Variants in PDHX observed in about 807,000 individuals in gnomAD.
PDHX encodes pyruvate dehydrogenase complex component X.
Under a neutral mutation model 55.3 loss-of-function variants are expected in PDHX, and 33 were observed. The ratio of observed to expected loss-of-function variants is 0.60; its 90% CI spans 0.45 to 0.80. The LOEUF is 0.80. PDHX is among the 30% of genes least tolerant of loss of function. PDHX has a pLI of 0.00. For missense variants in PDHX, 622 were observed against 619.9 expected (o/e 1.00, Z -0.04); for synonymous variants, 226 against 219.4 (o/e 1.03, Z -0.27).
chr11:34,937,896 A>G (rs1854372733), intron 2 of PDHX, among the ~76,000 whole-genome samples: 2 of 152,204 alleles, frequency 1.3e-5, no homozygotes, highest in South Asian at 2.1e-4. Flanking sequence ...AGTCTCACCA[A>G]AAGTCACAAT....
chr11:34,960,234 A>G (rs915758730), intron 4 of PDHX, among the ~76,000 whole-genome samples, 186 bp from the exon 5 acceptor site: 1 of 152,214 alleles, frequency 6.6e-6, no homozygotes, highest in African/African-American at 2.4e-5. Context: ...AATTTTTACG[A>G]AAGTGTTTAA....
At chr11:34,920,740 T>A (rs758748852) in intron 1 of PDHX, among the ~76,000 whole-genome samples, 2 of 152,196 alleles carry the variant, frequency 1.3e-5, no homozygotes, top group Non-Finnish European at 2.9e-5. Context: ...CACCTCTAGT[T>A]GTCATTTTTT....
chr11:34,985,224 C>T (rs951772845), intron 9 of PDHX, among the ~76,000 whole-genome samples: 7 of 152,112 alleles, frequency 4.6e-5, no homozygotes, highest in Non-Finnish European at 7.3e-5. Context: ...GGGTGGATCC[C>T]GAGGTCAGGA....
In PDHX at chr11:34,992,292, T is replaced by C. The variant is rs917737385; in HGVS notation, c.1183-23T>C. On this transcript the variant is annotated intron_variant, in intron 9 of 10. Coordinates refer to ENST00000227868, the MANE Select transcript of PDHX (RefSeq NM_003477.3). ...CTGTATAACATTTTGTTGGTTGTCC[T>C]ATTCTGTTTGTATTTTTCTCAGGCT... 1.2e-5 allele frequency: 17 copies of C among 1,468,822 alleles called. No homozygotes were observed. In the African/African-American group the frequency reaches 1.8e-4, roughly 16 times the overall value. 91.0% of individuals were successfully genotyped at this position (1,468,822 alleles called of 1,614,324 possible). A position where few individuals can be genotyped will look rare whatever the true frequency, so the allele number is the denominator to read the frequency against.
At chr11:34,922,362 A>G (rs1177019035) in intron 1 of PDHX, among the ~76,000 whole-genome samples, 2 of 152,206 alleles carry the variant, frequency 1.3e-5, no homozygotes, top group Non-Finnish European at 2.9e-5. Context: ...CTTACTATAT[A>G]CTATGCACCC....
At chr11:34,941,050 C>G (rs1291925423) in intron 2 of PDHX, among the ~76,000 whole-genome samples, 1 of 145,862 alleles carries the variant, frequency 6.9e-6, no homozygotes, top group Non-Finnish European at 1.5e-5. Context: ...CTGTGTTAAA[C>G]TGTCGAATAC....
At chr11:34,989,141 T>C (rs1855709268) in intron 9 of PDHX, among the ~76,000 whole-genome samples, 1 of 152,240 alleles carries the variant, frequency 6.6e-6, no homozygotes, top group Non-Finnish European at 1.5e-5. Context: ...CCTATTACTG[T>C]ACTGAATAGT....
At chr11:34,965,301 A>T (rs948907511) in intron 5 of PDHX, among the ~76,000 whole-genome samples, 2 of 152,168 alleles carry the variant, frequency 1.3e-5, no homozygotes, top group African/African-American at 2.4e-5. Context: ...AGAACCACTG[A>T]CAGCTCCCAG....
At chr11:34,983,628 T>C (rs572866866) in intron 8 of PDHX, among the ~76,000 whole-genome samples, 2,501 of 144,626 alleles carry the variant, frequency 0.017, 98 homozygotes, top group African/African-American at 0.067. Flanking sequence ...TATACACCAA[T>C]AACAGACAAA....
At chr11:34,984,790 C>G in intron 9 of PDHX, 62 bp downstream of exon 9, 1 of 1,510,780 alleles carries the variant, frequency 6.6e-7, no homozygotes. Context: ...TAATTACTTT[C>G]TGATAAAGTT....
rs114734547 is a variant in PDHX at position 34,917,990 on chromosome 11, G to A, written c.160+1175G>A. On this transcript the variant is annotated intron_variant, in intron 1 of 10. Coordinates refer to ENST00000227868, the MANE Select transcript of PDHX (RefSeq NM_003477.3). Reference sequence around the variant, plus strand: ...TTTGACATTTAATGGAATGAGCTTTGAGACTCACTGCCTTAGAAAATCATG... The same window carrying A: ...TTTGACATTTAATGGAATGAGCTTTAAGACTCACTGCCTTAGAAAATCATG... Among the ~76,000 whole-genome samples the A allele has an allele frequency of 1.0e-2, 1,521 of 152,312 alleles. 30 individuals are homozygous for A. The highest frequency in any genetic ancestry group is 0.034 in the African/African-American group (1,403 of 41,550).
intron 1 of PDHX, among the ~76,000 whole-genome samples, chr11:34,919,838 C>T (rs1367706327): frequency 6.6e-6 from 1 of 152,116 alleles, no homozygotes; most frequent in Non-Finnish European, 1.5e-5. Flanking sequence ...AAGTAGTGGC[C>T]AGCTGAATCA....
At chr11:34,985,302 G>A (rs1050562050) in intron 9 of PDHX, among the ~76,000 whole-genome samples, 11 of 152,084 alleles carry the variant, frequency 7.2e-5, no homozygotes, top group African/African-American at 2.7e-4. Context: ...TTAGCTGAGT[G>A]TGGTGGCGCG....
At chr11:34,991,771 G>A (rs537028736) in intron 9 of PDHX, among the ~76,000 whole-genome samples, 16 of 151,870 alleles carry the variant, frequency 1.1e-4, no homozygotes, top group Non-Finnish European at 1.9e-4. Context: ...TTAGCTGGGC[G>A]TGGCGGTGGG....
chr11:34,924,980 CA>C (rs1853985188), intron 1 of PDHX, among the ~76,000 whole-genome samples: 1 of 152,138 alleles, frequency 6.6e-6, no homozygotes, highest in Non-Finnish European at 1.5e-5. Context: ...GTCAAATATT[CA>C]GTGTTTACAT....
At chr11:34,951,526 C>T (rs1854768693) in intron 3 of PDHX, among the ~76,000 whole-genome samples, 1 of 152,074 alleles carries the variant, frequency 6.6e-6, no homozygotes, top group African/African-American at 2.4e-5. Flanking sequence ...ACCCTTTGCC[C>T]ACTTTTTGAT....
chr11:34,979,657 A>G (rs1008458297), intron 8 of PDHX, among the ~76,000 whole-genome samples: 1 of 152,114 alleles, frequency 6.6e-6, no homozygotes, highest in Non-Finnish European at 1.5e-5. Flanking sequence ...AATATTTTGA[A>G]TTATATTAAT....
At chr11:34,934,705 A>G (rs369213828) in intron 2 of PDHX, among the ~76,000 whole-genome samples, 7 of 147,096 alleles carry the variant, frequency 4.8e-5, no homozygotes, top group African/African-American at 1.8e-4. Flanking sequence ...AAGCCTCTTG[A>G]GTAGCTGGGA....
intron 9 of PDHX, among the ~76,000 whole-genome samples, chr11:34,986,470 G>A (rs1017752211): frequency 6.6e-6 from 1 of 152,094 alleles, no homozygotes; most frequent in East Asian, 1.9e-4. Context: ...GGTTAAATGA[G>A]ATTAAGTGTT....
Sources: allele counts gnomAD v4.1 joint callset (sites outside exome capture counted in the v4.1 genomes callset), GRCh38; gene constraint gnomAD v4.1.1; transcripts MANE v1.5; gene names NCBI Gene and HGNC (gene_info 2026-07-23, HGNC 2026-07-21).